Variants in CORO1C observed in about 807,000 individuals in gnomAD.
The protein encoded by CORO1C is coronin-1C.
CORO1C carries 14 observed loss-of-function variants against 51.2 expected under a neutral mutation model. That is an observed-to-expected ratio of 0.27 (90% CI 0.18 to 0.43). The LOEUF (loss-of-function observed/expected upper bound fraction) is 0.43. Among genes scored for constraint, CORO1C ranks in the 20% least tolerant of loss-of-function variants. CORO1C has a pLI of 1.00. For synonymous variants in CORO1C, 181 were observed against 210.5 expected (o/e 0.86, Z 1.21); for missense variants, 417 against 607.8 (o/e 0.69, Z 3.30).
chr12:108,691,443 G>A (rs1265948592), intron 2 of CORO1C, among the ~76,000 whole-genome samples: 3 of 152,178 alleles, frequency 2.0e-5, no homozygotes, highest in East Asian at 3.8e-4. Context: ...TTTCTTTACC[G>A]GAGATACAGC....
At chr12:108,686,091 C>T (rs866435082) in intron 2 of CORO1C, among the ~76,000 whole-genome samples, 31 of 152,336 alleles carry the variant, frequency 2.0e-4, no homozygotes, top group Middle Eastern at 3.4e-3. Context: ...ATACTAATAA[C>T]GGCCTTATAT....
Position 108,646,265 on chromosome 12 carries a change from G to C in CORO1C, c.*1138C>G, listed in dbSNP as rs1592833802. The C allele has an allele frequency of 6.6e-6, 1 of 152,370 alleles. No homozygotes were observed. Among genetic ancestry groups the C allele is most frequent in the South Asian group, 2.1e-4 (1 of 4,838 alleles). 9.4% of individuals were successfully genotyped at this position (152,370 alleles called of 1,614,324 possible). Reference sequence around the variant, plus strand: ...CGCAGCACATGTGAGGAAGAGGGTAGAGCAGGAGCTTTGTTGGTGGAAGGA... The same window carrying C: ...CGCAGCACATGTGAGGAAGAGGGTACAGCAGGAGCTTTGTTGGTGGAAGGA... On this transcript the variant is annotated 3_prime_UTR_variant, in exon 11 of 11. Transcript: ENST00000261401.
At chr12:108,669,428 C>T (rs1362532856) in intron 3 of CORO1C, among the ~76,000 whole-genome samples, 4 of 152,038 alleles carry the variant, frequency 2.6e-5, no homozygotes, top group Admixed American at 6.6e-5. Context: ...GTCCATTATA[C>T]GTTTACAGCT....
At chr12:108,709,750 T>C (rs914072079) in intron 1 of CORO1C, among the ~76,000 whole-genome samples, 10 of 151,978 alleles carry the variant, frequency 6.6e-5, no homozygotes, top group African/African-American at 2.4e-4. Flanking sequence ...AATGAAAAAA[T>C]CCTGAACTAA....
intron 8 of CORO1C, among the ~76,000 whole-genome samples, chr12:108,650,640 T>G (rs978973749): frequency 2.6e-5 from 4 of 152,188 alleles, no homozygotes; most frequent in African/African-American, 9.6e-5. Flanking sequence ...GGGATAAAAG[T>G]TACACCTACC....
Position 108,658,818 on chromosome 12 carries a change from G to C in CORO1C, c.550C>G (p.Arg184Gly). 1 of 1,613,704 alleles carries C rather than the reference G, an allele frequency of 6.2e-7. No homozygotes were observed. The highest frequency in any genetic ancestry group is 8.5e-7 in the Non-Finnish European group (1 of 1,179,670). ...GCTGTGCAGATCAGACTGCCATTCC[G>C]GTTCCAGCTCACATTGTAAATCATG... ...SDMIYNVSWN[R>G]NGSLICTASK... Residue 184 changes from arginine to glycine, a missense_variant, in exon 5 of 11, where the codon CGG (arginine) becomes GGG (glycine). Coordinates refer to ENST00000261401, the MANE Select transcript of CORO1C (RefSeq NM_014325.4). The surrounding 1 kb of genome is among the most constrained non-coding windows in gnomAD (Gnocchi z 4.9).
At chr12:108,693,362 A>G (rs2034563440) in intron 2 of CORO1C, among the ~76,000 whole-genome samples, 1 of 152,206 alleles carries the variant, frequency 6.6e-6, no homozygotes, top group Admixed American at 6.5e-5. Flanking sequence ...ATCTGCTGAC[A>G]TTCTGCAGTC....
intron 2 of CORO1C, among the ~76,000 whole-genome samples, chr12:108,689,970 G>GT (rs1229013513): frequency 2.0e-5 from 3 of 152,160 alleles, no homozygotes; most frequent in African/African-American, 7.2e-5. Flanking sequence ...AGTCAAAAGC[G>GT]TATCTATTGA....
At chr12:108,677,661 A>C (rs2033955734) in intron 3 of CORO1C, among the ~76,000 whole-genome samples, 1 of 152,230 alleles carries the variant, frequency 6.6e-6, no homozygotes, top group South Asian at 2.1e-4. Flanking sequence ...ATGGCATTAC[A>C]GAATTACTGA....
chr12:108,719,326 A>G (rs1592950954), intron 1 of CORO1C, among the ~76,000 whole-genome samples: 1 of 152,236 alleles, frequency 6.6e-6, no homozygotes, highest in East Asian at 1.9e-4. Flanking sequence ...ACTACCAGAA[A>G]TAACACACAC....
intron 1 of CORO1C, among the ~76,000 whole-genome samples, chr12:108,720,201 C>A (rs1006879077): frequency 6.6e-6 from 1 of 151,976 alleles, no homozygotes; most frequent in Admixed American, 6.6e-5. Context: ...CTCATACAGA[C>A]ACACACACAC....
intron 3 of CORO1C, among the ~76,000 whole-genome samples, chr12:108,667,952 TTAAA>T (rs2033553531): frequency 6.6e-6 from 1 of 152,164 alleles, no homozygotes; most frequent in African/African-American, 2.4e-5. Context: ...GTACAATTAG[TTAAA>T]TAGTTTTATT....
intron 2 of CORO1C, among the ~76,000 whole-genome samples, chr12:108,696,564 G>C (rs539873779): frequency 9.2e-5 from 14 of 152,294 alleles, no homozygotes; most frequent in African/African-American, 3.4e-4. Flanking sequence ...ATGCCAACGT[G>C]GTAGATTACA....
At chr12:108,727,506 A>T (rs939263451) in intron 1 of CORO1C, among the ~76,000 whole-genome samples, 1 of 152,250 alleles carries the variant, frequency 6.6e-6, no homozygotes, top group Non-Finnish European at 1.5e-5. Flanking sequence ...TCCACACCTC[A>T]TTAAGGAGTC....
In CORO1C at chr12:108,680,482, C is replaced by T. The variant is rs150516974; in HGVS notation, c.196-2088G>A. Among the ~76,000 whole-genome samples, 292 of 152,338 alleles carry T rather than the reference C, an allele frequency of 1.9e-3. 1 individual carries two copies. Among genetic ancestry groups the T allele is most frequent in the African/African-American group, 6.8e-3 (283 of 41,582 alleles). ...AGGAAGGAGCCACACAGTTCATTTA[C>T]AGGCAGCGAAGTATAAATGGTTGAG... On this transcript the variant is annotated intron_variant, in intron 2 of 10. Transcript: ENST00000261401.
At chr12:108,722,747 A>G (rs1281599986) in intron 1 of CORO1C, among the ~76,000 whole-genome samples, 1 of 152,164 alleles carries the variant, frequency 6.6e-6, no homozygotes, top group Non-Finnish European at 1.5e-5. Flanking sequence ...CAAAACAGAA[A>G]TTTCATCTGG....
At chr12:108,656,762 C>T (rs2033037084) in intron 6 of CORO1C, among the ~76,000 whole-genome samples, 1 of 152,240 alleles carries the variant, frequency 6.6e-6, no homozygotes, top group South Asian at 2.1e-4. Context: ...CAACCCTGTG[C>T]TCTCTGAAAC....
At chr12:108,684,941 G>A (rs748311144) in intron 2 of CORO1C, among the ~76,000 whole-genome samples, 24 of 152,044 alleles carry the variant, frequency 1.6e-4, no homozygotes, top group Admixed American at 2.6e-4. Context: ...CAGGGTCTTT[G>A]CATTCCTAGG....
intron 8 of CORO1C, among the ~76,000 whole-genome samples, chr12:108,651,098 C>T (rs1024444698): frequency 6.6e-6 from 1 of 152,140 alleles, no homozygotes; most frequent in African/African-American, 2.4e-5. Flanking sequence ...ATTACAGGCA[C>T]CCACGACCAC....
Sources: gnomAD v4.1 joint callset for allele counts (sites outside exome capture counted in the v4.1 genomes callset) on GRCh38, gnomAD v4.1.1 for gene constraint, Gnocchi (gnomAD v3.1) non-coding constraint, MANE v1.5 for transcripts, NCBI Gene and HGNC (gene_info 2026-07-23, HGNC 2026-07-21) for gene names.